SLIT1: variants seen among roughly 807,000 people sequenced by gnomAD.
The protein encoded by SLIT1 is slit guidance ligand 1.
SLIT1 carries 66 observed loss-of-function variants against 186.1 expected under a neutral mutation model. The observed-to-expected ratio is 0.35, with a 90% CI of 0.29 to 0.44. The LOEUF is 0.44. SLIT1 is among the 20% of genes least tolerant of loss of function. The pLI is 1.00. For synonymous variants in SLIT1, 761 were observed against 833.8 expected (o/e 0.91, Z 1.50); for missense variants, 1,638 against 2,037.4 (o/e 0.80, Z 3.77).
chr10:97,004,672 G>A lies in SLIT1; in HGVS notation c.3710+21C>T, dbSNP rs947512385. 6.2e-7 allele frequency: 1 copy of A among 1,613,912 alleles called. No individual in the cohort carries two copies. The highest frequency in any genetic ancestry group is 1.7e-4 in the Middle Eastern group (1 of 6,060). On this transcript the variant is annotated intron_variant, in intron 33 of 36. Coordinates refer to ENST00000266058, the MANE Select transcript of SLIT1 (RefSeq NM_003061.3). This position sits in a 1 kb window ranked among gnomAD's most constrained non-coding sequence, Gnocchi z 5.1. Reference sequence around the variant, plus strand: ...AGTCCCGTACCCCTGAGGGCAGCTGGGGGGCATAAGGAAGCCCTACCTGTA... The same window carrying A: ...AGTCCCGTACCCCTGAGGGCAGCTGAGGGGCATAAGGAAGCCCTACCTGTA...
chr10:97,154,237 C>T (rs1765832563), intron 4 of SLIT1: 1 of 152,206 alleles, frequency 6.6e-6, no homozygotes, highest in Non-Finnish European at 1.5e-5. Flanking sequence ...GCCCAGACAC[C>T]AGGGACGAAC....
At chr10:97,029,092 G>A (rs927531249) in intron 25 of SLIT1, among the ~76,000 whole-genome samples, 2 of 152,148 alleles carry the variant, frequency 1.3e-5, no homozygotes, top group Non-Finnish European at 2.9e-5. Flanking sequence ...GTTCAATCAT[G>A]GGGTAATCAA....
At chr10:97,071,269 G>T (rs1406795711) in intron 4 of SLIT1, among the ~76,000 whole-genome samples, 1 of 152,166 alleles carries the variant, frequency 6.6e-6, no homozygotes, top group South Asian at 2.1e-4. Context: ...GGAGATGAGA[G>T]CATGTGCATT....
At chr10:97,018,326 G>A (rs1039345374) in intron 28 of SLIT1, among the ~76,000 whole-genome samples, 1 of 152,338 alleles carries the variant, frequency 6.6e-6, no homozygotes, top group African/African-American at 2.4e-5. Flanking sequence ...CTCAACCCTG[G>A]AGCTGGGGAG....
chr10:97,049,361 C>G (rs1848767569), intron 13 of SLIT1, among the ~76,000 whole-genome samples: 1 of 152,220 alleles, frequency 6.6e-6, no homozygotes, highest in Non-Finnish European at 1.5e-5. Context: ...TTCCTGCTGT[C>G]CTACTCCCCA....
chr10:97,018,792 T>C, intron 27 of SLIT1, 109 bp from the exon 28 acceptor site: 1 of 701,298 alleles, frequency 1.4e-6, no homozygotes, highest in Non-Finnish European at 2.5e-6. Context: ...CAGGAGTTAC[T>C]TGTTTTCATT....
chr10:97,057,649 C>T (rs904673511), intron 11 of SLIT1: 4 of 356,346 alleles, frequency 1.1e-5, no homozygotes, highest in Middle Eastern at 8.0e-4. Flanking sequence ...GAGAAAATCC[C>T]ATGGGCAGGA....
At chr10:97,048,541 C>A (rs901011906) in intron 14 of SLIT1, among the ~76,000 whole-genome samples, 1 of 152,146 alleles carries the variant, frequency 6.6e-6, no homozygotes, top group Non-Finnish European at 1.5e-5. Flanking sequence ...CTTCAGCAAG[C>A]CTTGCTTCTT....
chr10:97,001,663 A>G (rs1589358671), intron 36 of SLIT1, among the ~76,000 whole-genome samples: 1 of 152,130 alleles, frequency 6.6e-6, no homozygotes, highest in African/African-American at 2.4e-5. Context: ...ACATTATGAA[A>G]AGGATTCATG....
chr10:97,157,741 T>C, intron 4 of SLIT1, 77 bp downstream of exon 4: 1 of 1,132,920 alleles, frequency 8.8e-7, no homozygotes, highest in Non-Finnish European at 1.3e-6. Context: ...CAGGCCCCAC[T>C]GACCAAACAC....
At chr10:97,146,535 C>T (rs1196146143) in intron 4 of SLIT1, among the ~76,000 whole-genome samples, 1 of 151,994 alleles carries the variant, frequency 6.6e-6, no homozygotes, top group Non-Finnish European at 1.5e-5. Flanking sequence ...GGCTCTGTGA[C>T]TACCCACACA....
At chr10:97,126,750 C>A (rs1849606675) in intron 4 of SLIT1, among the ~76,000 whole-genome samples, 1 of 152,154 alleles carries the variant, frequency 6.6e-6, no homozygotes, top group South Asian at 2.1e-4. Flanking sequence ...TCGGGCAGGT[C>A]CTGAGAGCTC....
chr10:97,012,584 CACCCTCCA>C (rs1848421420), intron 30 of SLIT1, among the ~76,000 whole-genome samples: 2 of 152,218 alleles, frequency 1.3e-5, no homozygotes, highest in African/African-American at 2.4e-5. Context: ...TGCCTTATTC[CACCCTCCA>C]AGGAGGGCGC....
At chr10:97,171,713 GGAGGCT>G (rs1457775439) in intron 1 of SLIT1, among the ~76,000 whole-genome samples, 2 of 152,064 alleles carry the variant, frequency 1.3e-5, no homozygotes, top group African/African-American at 4.8e-5. Flanking sequence ...CAGCCACTTG[GGAGGCT>G]GAGACAGGAA....
rs1373237081 is a variant in SLIT1, at chr10:97,119,081, G to A, written c.413+38737C>T. ...GCAGGCACTGCCTGGGGTCTCTTGT[G>A]TTCCCCTGGAGGGGCAGTGTTCTAG... On this transcript the variant is annotated intron_variant, in intron 4 of 36. Transcript: ENST00000266058. Among the ~76,000 whole-genome samples, 4 of 152,230 alleles carry A rather than the reference G, an allele frequency of 2.6e-5. No homozygotes were observed. The East Asian group carries it at 7.7e-4, about 29-fold the overall frequency.
chr10:97,007,675 T>C (rs1046001365), intron 31 of SLIT1, among the ~76,000 whole-genome samples: 1 of 150,732 alleles, frequency 6.6e-6, no homozygotes, highest in Non-Finnish European at 1.5e-5. Flanking sequence ...TATTGATAGA[T>C]GAAAAAGCAA....
chr10:97,066,429 G>A (rs1181735543), intron 4 of SLIT1, among the ~76,000 whole-genome samples: 1 of 152,114 alleles, frequency 6.6e-6, no homozygotes, highest in Non-Finnish European at 1.5e-5. Context: ...TGGATATTTG[G>A]CCCCGCCCAA....
chr10:97,018,098 C>T (rs997243656), intron 28 of SLIT1, among the ~76,000 whole-genome samples: 1 of 152,154 alleles, frequency 6.6e-6, no homozygotes, highest in Non-Finnish European at 1.5e-5. Flanking sequence ...CTGCCCACCT[C>T]GGCCTCCCAA....
At chr10:97,174,615 C>T (rs2134740685) in intron 1 of SLIT1, among the ~76,000 whole-genome samples, 1 of 152,344 alleles carries the variant, frequency 6.6e-6, no homozygotes, top group South Asian at 2.1e-4. Flanking sequence ...CGCCTGGGCT[C>T]CTGGGGACCC....
Sources: gnomAD v4.1 joint callset for allele counts (sites outside exome capture counted in the v4.1 genomes callset) on GRCh38, gnomAD v4.1.1 for gene constraint, Gnocchi (gnomAD v3.1) non-coding constraint, MANE v1.5 for transcripts, NCBI Gene and HGNC (gene_info 2026-07-23, HGNC 2026-07-21) for gene names.